The following CHODL variants were observed in gnomAD, a reference collection of about 807,000 sequenced individuals.
The protein encoded by CHODL is transmembrane protein MT75.
CHODL carries 29 observed loss-of-function variants against 34.5 expected under a neutral mutation model. The ratio of observed to expected loss-of-function variants is 0.84; its 90% confidence interval spans 0.63 to 1.15. CHODL has a LOEUF of 1.15. Among genes scored for constraint, CHODL ranks in the 50% most tolerant of loss-of-function variants. The probability of loss-of-function intolerance (pLI) is 0.00; values close to 1 mark genes in which losing one functional copy is unlikely to be tolerated. For missense variants in CHODL, 332 were observed against 332.5 expected (o/e 1.00, Z 0.01); for synonymous variants, 125 against 116.1 (o/e 1.08, Z -0.49).
At chr21:17,939,978 G>A (rs889854684) in intron 1 of CHODL, among the ~76,000 whole-genome samples, 24 of 152,330 alleles carry the variant, frequency 1.6e-4, no homozygotes, top group African/African-American at 5.5e-4. Flanking sequence ...ATTCATGGGT[G>A]TGTAACCTGT....
chr21:18,254,374 A>G (rs759159412), intron 1 of CHODL, among the ~76,000 whole-genome samples: 2 of 152,168 alleles, frequency 1.3e-5, no homozygotes, highest in Non-Finnish European at 2.9e-5. Flanking sequence ...TCTATTTTCC[A>G]GGTCCAAATC....
At chr21:18,253,108 C>A (rs1031583774) in intron 1 of CHODL, among the ~76,000 whole-genome samples, 2 of 152,016 alleles carry the variant, frequency 1.3e-5, no homozygotes, top group African/African-American at 4.8e-5. Context: ...ATTAGAAGTA[C>A]TATCTTAATT....
intron 1 of CHODL, among the ~76,000 whole-genome samples, chr21:17,937,727 T>C (rs1238928431): frequency 6.6e-6 from 1 of 152,154 alleles, no homozygotes; most frequent in Non-Finnish European, 1.5e-5. Context: ...TTTTCTACCT[T>C]CTCATTTTTT....
intron 1 of CHODL, among the ~76,000 whole-genome samples, chr21:17,970,395 C>G (rs979334845): frequency 6.6e-6 from 1 of 152,120 alleles, no homozygotes; most frequent in Non-Finnish European, 1.5e-5. Flanking sequence ...TTCTGCCAAA[C>G]CTCAACACTT....
At chr21:18,074,115 A>G (rs561828271) in intron 2 of CHODL, among the ~76,000 whole-genome samples, 1 of 152,262 alleles carries the variant, frequency 6.6e-6, no homozygotes, top group Admixed American at 6.5e-5. Context: ...AGCTATTGAC[A>G]TCATAATGGC....
chr21:17,950,698 T>C (rs1409891450), intron 1 of CHODL, among the ~76,000 whole-genome samples: 1 of 152,186 alleles, frequency 6.6e-6, no homozygotes, highest in Non-Finnish European at 1.5e-5. Context: ...AGCAAGTCTA[T>C]CATTGGTTGG....
At chr21:18,014,772 G>A (rs188339911) in intron 1 of CHODL, among the ~76,000 whole-genome samples, 130 of 152,290 alleles carry the variant, frequency 8.5e-4, no homozygotes, top group Non-Finnish European at 1.2e-3. Flanking sequence ...TTCAGAAGGC[G>A]AGCAGAGGCT....
At chr21:17,942,317 T>C (rs1354221627) in intron 1 of CHODL, among the ~76,000 whole-genome samples, 1 of 152,110 alleles carries the variant, frequency 6.6e-6, no homozygotes, top group Non-Finnish European at 1.5e-5. Flanking sequence ...TGGGAGGTAA[T>C]TGAATCATGG....
intron 2 of CHODL, among the ~76,000 whole-genome samples, chr21:18,199,146 AT>A (rs2073623625): frequency 6.6e-6 from 1 of 152,130 alleles, no homozygotes; most frequent in African/African-American, 2.4e-5. Context: ...GCTTTTAGAT[AT>A]CATAGTAACA....
chr21:18,038,146 T>C (rs1233638641), intron 2 of CHODL, among the ~76,000 whole-genome samples: 1 of 151,678 alleles, frequency 6.6e-6, no homozygotes, highest in African/African-American at 2.4e-5. Flanking sequence ...AGCCTCAGAC[T>C]TCTCTTTAGT....
At chr21:18,007,894 G>A (rs532866271) in intron 1 of CHODL, among the ~76,000 whole-genome samples, 1 of 152,224 alleles carries the variant, frequency 6.6e-6, no homozygotes, top group Admixed American at 6.5e-5. Context: ...ATCTTAATAT[G>A]GAGTTTGGAA....
chr21:18,195,008 C>T (rs2073566167), intron 2 of CHODL, among the ~76,000 whole-genome samples: 1 of 151,200 alleles, frequency 6.6e-6, no homozygotes, highest in Admixed American at 6.6e-5. Context: ...GAATACAATA[C>T]ATTGTTATTA....
intron 2 of CHODL, among the ~76,000 whole-genome samples, chr21:18,224,228 C>T (rs144162329): frequency 6.6e-6 from 1 of 152,134 alleles, no homozygotes; most frequent in Admixed American, 6.6e-5. Context: ...AATTTTTAGA[C>T]CCCCTTGACA....
At chr21:18,182,878 C>T (rs2073398061) in intron 2 of CHODL, among the ~76,000 whole-genome samples, 1 of 152,148 alleles carries the variant, frequency 6.6e-6, no homozygotes, top group Non-Finnish European at 1.5e-5. Context: ...CTGCCTGCCA[C>T]CCACTCTCTC....
intron 2 of CHODL, among the ~76,000 whole-genome samples, chr21:18,118,554 T>C (rs2065440975): frequency 6.6e-6 from 1 of 152,228 alleles, no homozygotes; most frequent in African/African-American, 2.4e-5. Context: ...AATACTGTAA[T>C]GTTTCTAAGA....
rs2063706590 is a variant in CHODL at position 17,980,663 on chromosome 21, G to A, written c.-144-47209G>A. Among the ~76,000 whole-genome samples the A allele has an allele frequency of 2.6e-5, 4 of 152,100 alleles. No homozygotes were observed. The South Asian group carries it at 6.2e-4, about 24-fold the overall frequency. Reference sequence around the variant, plus strand: ...CTGGGAGACCAGCTTCTGTTCTTGGGTTTCACGGGTACCTGGACATTCTTT... The same window carrying A: ...CTGGGAGACCAGCTTCTGTTCTTGGATTTCACGGGTACCTGGACATTCTTT... On this transcript the variant is annotated intron_variant, in intron 1 of 6. Coordinates refer to the CHODL transcript ENST00000400127.
chr21:18,142,971 T>C (rs1289844290), intron 2 of CHODL, among the ~76,000 whole-genome samples: 2 of 152,160 alleles, frequency 1.3e-5, no homozygotes, highest in Non-Finnish European at 2.9e-5. Context: ...ATAATTATAT[T>C]TCAGAATGAG....
chr21:18,079,828 T>C (rs2064918217), intron 2 of CHODL, among the ~76,000 whole-genome samples: 1 of 152,226 alleles, frequency 6.6e-6, no homozygotes, highest in African/African-American at 2.4e-5. Context: ...AGCAAAATAA[T>C]AGAATTTGCT....
intron 2 of CHODL, among the ~76,000 whole-genome samples, chr21:18,115,528 T>C (rs1007599471): frequency 3.9e-5 from 6 of 152,308 alleles, no homozygotes; most frequent in African/African-American, 1.2e-4. Flanking sequence ...TTTGGAAAAC[T>C]TGTAGACAGC....
Sources: allele counts gnomAD v4.1 joint callset (sites outside exome capture counted in the v4.1 genomes callset), GRCh38; gene constraint gnomAD v4.1.1; transcripts MANE v1.5; gene names NCBI Gene and HGNC (gene_info 2026-07-23, HGNC 2026-07-21).